PBX1: variants seen among roughly 807,000 people sequenced by gnomAD.
PBX1 encodes pre-B-cell leukemia transcription factor 1.
PBX1 carries 6 observed loss-of-function variants against 53.4 expected under a neutral mutation model. The observed-to-expected ratio is 0.11, with a 90% CI of 0.06 to 0.22. PBX1 has a LOEUF of 0.22. Among genes scored for constraint, PBX1 ranks in the 10% least tolerant of loss-of-function variants. The pLI, the probability that PBX1 is intolerant of heterozygous loss-of-function variation, is 1.00. For synonymous variants in PBX1, 204 were observed against 212.3 expected, an observed-to-expected ratio of 0.96 and a Z score of 0.34; for missense variants, 251 against 551.4, an observed-to-expected ratio of 0.46 and a Z score of 5.46.
chr1:164,761,512 T>A (rs2102222623), intron 2 of PBX1, among the ~76,000 whole-genome samples: 1 of 152,148 alleles, frequency 6.6e-6, no homozygotes, highest in African/African-American at 2.4e-5. Context: ...TGGCGCGATC[T>A]CGACTCACTG....
At chr1:164,679,436 A>G (rs1272690510) in intron 2 of PBX1, among the ~76,000 whole-genome samples, 1 of 152,178 alleles carries the variant, frequency 6.6e-6, no homozygotes, top group Non-Finnish European at 1.5e-5. Context: ...AGACAAGTAA[A>G]ATTATGATGC....
At position 164,729,469 on chromosome 1, in the gene PBX1, ATGT is replaced by A. The variant is rs1192377423; in HGVS notation, c.266-63021_266-63019del. On this transcript the variant is annotated intron_variant, in intron 2 of 8. Coordinates refer to ENST00000420696, the MANE Select transcript of PBX1 (RefSeq NM_002585.4). ...TAATATGGATATCAAGATTTCAAAG[ATGT>A]TGTGTAAATATGTATATATACATAA... Among the ~76,000 whole-genome samples, 13 of 152,306 alleles carry A rather than the reference ATGT, an allele frequency of 8.5e-5. No homozygotes were observed. In the East Asian group the frequency reaches 2.3e-3, roughly 27 times the overall value.
rs539568657 is a variant in PBX1, at chr1:164,868,109, A to G, written n.258-31079A>G. Among the ~76,000 whole-genome samples the G allele has an allele frequency of 2.0e-5, 3 of 152,356 alleles. No individual in the cohort carries two copies. In the East Asian group the frequency reaches 5.8e-4, roughly 29 times the overall value. ...AGAAGAGAATACGGAGAAAGAGAGA[A>G]AATAGAGCGGCTCACTGCTAGCTTT... On this transcript the variant is annotated intron_variant and non_coding_transcript_variant, in intron 2 of 2. Coordinates refer to the PBX1 transcript ENST00000558796.
intron 2 of PBX1, among the ~76,000 whole-genome samples, chr1:164,624,210 T>G (rs1488938733): frequency 1.3e-5 from 2 of 152,236 alleles, no homozygotes; most frequent in Non-Finnish European, 2.9e-5. Context: ...TTATTTTGAT[T>G]ATGTTATTCT....
intron 2 of PBX1, among the ~76,000 whole-genome samples, chr1:164,870,341 CTT>C (rs1166303866): frequency 1.9e-5 from 2 of 104,076 alleles, no homozygotes; most frequent in African/African-American, 8.3e-5. Context: ...TTCTTTCTTT[CTT>C]TCTTTCTTTC....
At chr1:164,661,841 T>A (rs1660509736) in intron 2 of PBX1, among the ~76,000 whole-genome samples, 1 of 152,220 alleles carries the variant, frequency 6.6e-6, no homozygotes, top group African/African-American at 2.4e-5. Flanking sequence ...AGCTTTTTAA[T>A]TTTTTAAAAA....
chr1:164,708,553 C>T (rs1446872704), intron 2 of PBX1, among the ~76,000 whole-genome samples: 1 of 152,132 alleles, frequency 6.6e-6, no homozygotes, highest in Non-Finnish European at 1.5e-5. Context: ...CCTTTCCCTC[C>T]CTCCTCCTTT....
At chr1:164,581,999 A>AT (rs1409200136) in intron 2 of PBX1, among the ~76,000 whole-genome samples, 1 of 152,130 alleles carries the variant, frequency 6.6e-6, no homozygotes, top group East Asian at 1.9e-4. Flanking sequence ...TGCTTATTTC[A>AT]TTTCAAAAAG....
intron 2 of PBX1, among the ~76,000 whole-genome samples, chr1:164,677,387 C>T (rs1264820652): frequency 4.6e-5 from 7 of 151,962 alleles, no homozygotes; most frequent in Admixed American, 1.3e-4. Context: ...CCACCGCGCC[C>T]GGCCTTACTG....
At chr1:164,834,467 C>A (rs997142864) in intron 8 of PBX1, among the ~76,000 whole-genome samples, 4 of 151,908 alleles carry the variant, frequency 2.6e-5, no homozygotes, top group Non-Finnish European at 5.9e-5. Flanking sequence ...CCTCAGCCTC[C>A]CAAGTAGCTG....
chr1:164,717,131 G>A (rs772048081), intron 2 of PBX1, among the ~76,000 whole-genome samples: 3 of 152,114 alleles, frequency 2.0e-5, no homozygotes, highest in East Asian at 3.9e-4. Context: ...GTTTTTGTAC[G>A]GGTAAAATAA....
chr1:164,858,318 T>C (rs1672020531), intron 2 of PBX1, among the ~76,000 whole-genome samples: 1 of 152,106 alleles, frequency 6.6e-6, no homozygotes, highest in South Asian at 2.1e-4. Context: ...TAGCCTCAGG[T>C]TTGTAAAAAT....
At chr1:164,820,215 A>C in intron 7 of PBX1, 31 bp downstream of exon 7, 2 of 1,224,384 alleles carry the variant, frequency 1.6e-6, no homozygotes, top group Non-Finnish European at 2.4e-6. Context: ...TCACCAGGTG[A>C]ATGCCTTAGA....
intron 2 of PBX1, among the ~76,000 whole-genome samples, chr1:164,736,269 A>C (rs779208195): frequency 2.0e-5 from 3 of 152,146 alleles, no homozygotes; most frequent in Admixed American, 6.5e-5. Context: ...CGGGGGAGGC[A>C]TTGGAACACC....
At chr1:164,697,409 A>G (rs141050425) in intron 2 of PBX1, among the ~76,000 whole-genome samples, 14 of 152,338 alleles carry the variant, frequency 9.2e-5, no homozygotes, top group African/African-American at 3.1e-4. Context: ...CCATGCTCCT[A>G]TAACAAAATT....
chr1:164,787,451 G>C (rs546427092), intron 2 of PBX1, among the ~76,000 whole-genome samples: 1 of 152,156 alleles, frequency 6.6e-6, no homozygotes, highest in African/African-American at 2.4e-5. Flanking sequence ...ACACTTGACT[G>C]TCCGCCCGCC....
chr1:164,850,677 A>G lies in PBX1; in HGVS notation c.*4001A>G, dbSNP rs114960248. The G allele has an allele frequency of 2.6e-3, 498 of 194,100 alleles. 1 individual carries two copies. The highest frequency in any genetic ancestry group is 0.014 in the Middle Eastern group (8 of 554). 12.0% of individuals were successfully genotyped at this position (194,100 alleles called of 1,614,324 possible). ...AATGCCAAAAGCGAAGATCAAGCCC[A>G]TGTTGATGTCTCGTTGCTCACCTGC... On this transcript the variant is annotated 3_prime_UTR_variant, in exon 9 of 9. Transcript: ENST00000420696.
At chr1:164,641,250 G>C (rs1286348082) in intron 2 of PBX1, 2 of 153,022 alleles carry the variant, frequency 1.3e-5, no homozygotes, top group African/African-American at 4.8e-5. Flanking sequence ...AGGAAGGAGA[G>C]AGAAGAGAAG....
At chr1:164,824,994 C>T (rs919204192) in intron 8 of PBX1, among the ~76,000 whole-genome samples, 5 of 152,182 alleles carry the variant, frequency 3.3e-5, no homozygotes, top group Admixed American at 3.3e-4. Context: ...AATCTATTGC[C>T]TACCCAAGCA....
Sources: allele counts gnomAD v4.1 joint callset (sites outside exome capture counted in the v4.1 genomes callset), GRCh38; gene constraint gnomAD v4.1.1; transcripts MANE v1.5; gene names NCBI Gene and HGNC (gene_info 2026-07-23, HGNC 2026-07-21).